The following IL7 variants were observed in gnomAD, a reference collection of about 807,000 sequenced individuals.
IL7 encodes interleukin-7.
IL7 carries 3 observed loss-of-function variants against 21.6 expected under a neutral mutation model. The ratio of observed to expected loss-of-function variants is 0.14; its 90% CI spans 0.06 to 0.36. IL7 has a LOEUF of 0.36. Ranked by LOEUF, IL7 falls within the 10% of genes least tolerant of loss-of-function variation. IL7 has a pLI of 1.00. For missense variants in IL7, 175 were observed against 200.2 expected (o/e 0.87, Z 0.76); for synonymous variants, 62 against 68.1 (o/e 0.91, Z 0.44).
intron 3 of IL7, 146 bp from the exon 4 acceptor site, chr8:78,738,781 T>G: frequency 1.5e-6 from 1 of 672,760 alleles, no homozygotes; most frequent in Non-Finnish European, 2.4e-6. Flanking sequence ...AATCATGTGA[T>G]TGACAAGTAA....
Position 78,719,795 on chromosome 8 carries a change from G to A in IL7, n.477-685C>T, listed in dbSNP as rs535581459. 11 of 151,754 alleles carry A rather than the reference G, an allele frequency of 7.2e-5. No homozygotes were observed. In the South Asian group the frequency reaches 2.3e-3, roughly 31 times the overall value. The allele number at this position is 151,754 out of a possible 1,614,324, so 9.4% of individuals were successfully genotyped here. A position where few individuals can be genotyped will look rare whatever the true frequency, so the allele number is the denominator to read the frequency against. On this transcript the variant is annotated intron_variant and non_coding_transcript_variant, in intron 5 of 6. Coordinates refer to the IL7 transcript ENST00000519833. ...AGTTCGTATTCACTGATGTCTTTTA[G>A]CCATACATAGAAAGATAGGAACCTA...
At chr8:78,703,057 T>A (rs1004673103) in intron 3 of IL7, among the ~76,000 whole-genome samples, 3 of 152,006 alleles carry the variant, frequency 2.0e-5, no homozygotes, top group African/African-American at 7.3e-5. Context: ...CCACCACACC[T>A]GGCTAATTTT....
At chr8:78,730,981 A>C (rs1194262761), downstream of IL7, among the ~76,000 whole-genome samples, 1 of 152,012 alleles carries the variant, frequency 6.6e-6, no homozygotes, top group African/African-American at 2.4e-5. Context: ...AATTTGCAAC[A>C]ACATTCTAAG....
intron 3 of IL7, among the ~76,000 whole-genome samples, chr8:78,693,378 T>C (rs1186576624): frequency 6.6e-6 from 1 of 152,120 alleles, no homozygotes; most frequent in Non-Finnish European, 1.5e-5. Flanking sequence ...TTTCTCCACA[T>C]CCTCTCCAGC....
chr8:78,721,719 G>C (rs1285676352), intron 3 of IL7, among the ~76,000 whole-genome samples: 1 of 151,942 alleles, frequency 6.6e-6, no homozygotes, highest in African/African-American at 2.4e-5. Flanking sequence ...CTTATGTACT[G>C]ATGGTGGAAA....
At chr8:78,786,750 A>T (rs1813521020) in intron 2 of IL7, among the ~76,000 whole-genome samples, 1 of 151,714 alleles carries the variant, frequency 6.6e-6, no homozygotes, top group African/African-American at 2.4e-5. Context: ...AATCCTTGAA[A>T]CCTCCAAAGG....
In IL7 at chr8:78,695,550, C is replaced by G. The variant is rs373397215; in HGVS notation, n.215-9603G>C. ...TTGTTTCCTAATCTGATTTTATTAACTCTGTTTTTATAGACATAACTCTCG... is the reference window on the plus strand; with the variant it reads ...TTGTTTCCTAATCTGATTTTATTAAGTCTGTTTTTATAGACATAACTCTCG... On this transcript the variant is annotated intron_variant and non_coding_transcript_variant, in intron 3 of 4. Transcript: ENST00000523959. Among the ~76,000 whole-genome samples the G allele has an allele frequency of 2.3e-4, 35 of 152,214 alleles. 1 individual carries two copies. The East Asian group carries it at 3.1e-3, about 13-fold the overall frequency.
rs1810690911 is a variant in IL7, at chr8:78,704,064, A to T, written n.214+17284T>A. 2.0e-5 allele frequency among the ~76,000 whole-genome samples: 3 copies of T among 152,136 alleles called. No homozygotes were observed. In the South Asian group the frequency reaches 6.2e-4, roughly 32 times the overall value. ...TGAAGCTTAGTTTGGCCTGATATGA[A>T]ATTTTGAGTTGGAATTTCTTTTCTT... On this transcript the variant is annotated intron_variant and non_coding_transcript_variant, in intron 3 of 4. Coordinates refer to the IL7 transcript ENST00000523959.
chr8:78,753,511 C>G (rs1340652327), intron 2 of IL7, among the ~76,000 whole-genome samples: 1 of 152,076 alleles, frequency 6.6e-6, no homozygotes, highest in Non-Finnish European at 1.5e-5. Context: ...AACATTTTCT[C>G]CCATTCTGTA....
chr8:78,676,126 A>T (rs57482309), intron 4 of IL7: 55 of 164,700 alleles, frequency 3.3e-4, no homozygotes, highest in African/African-American at 5.9e-4. Flanking sequence ...CAAACAAAAT[A>T]AAAAAAAAAA....
Position 78,697,419 on chromosome 8 carries a change from G to T in IL7, n.215-11472C>A, listed in dbSNP as rs138000597. 5 of 1,595,656 alleles carry T rather than the reference G, an allele frequency of 3.1e-6. No homozygotes were observed. The highest frequency in any genetic ancestry group is 1.8e-5 in the Admixed American group (1 of 55,114). On this transcript the variant is annotated intron_variant and non_coding_transcript_variant, in intron 3 of 4. Transcript: ENST00000523959. The stretch of plus-strand genomic sequence containing the variant: ...TCCATTATTTTAGTATAAGCCACCC[G>T]CACTTAAAAAGTCAAATTCTCCTGG...
intron 3 of IL7, among the ~76,000 whole-genome samples, chr8:78,739,193 G>T (rs1192347809): frequency 6.6e-6 from 1 of 152,130 alleles, no homozygotes; most frequent in Non-Finnish European, 1.5e-5. Context: ...AAAAGACTAT[G>T]AAATAGCACA....
intron 3 of IL7, among the ~76,000 whole-genome samples, chr8:78,725,961 A>C (rs1811332739): frequency 6.6e-6 from 1 of 152,006 alleles, no homozygotes; most frequent in Non-Finnish European, 1.5e-5. Context: ...AAAGCAGTCA[A>C]AAATCTGTTT....
chr8:78,757,937 C>T (rs1277795797), intron 2 of IL7, among the ~76,000 whole-genome samples: 1 of 152,008 alleles, frequency 6.6e-6, no homozygotes, highest in African/African-American at 2.4e-5. Flanking sequence ...CATGAGATCT[C>T]ATGGTTTTAT....
intron 1 of IL7, among the ~76,000 whole-genome samples, chr8:78,800,477 G>GT (rs1249773499): frequency 6.6e-6 from 1 of 152,062 alleles, no homozygotes; most frequent in African/African-American, 2.4e-5. Flanking sequence ...TTTAAAATTT[G>GT]TTTTTAGCAG....
chr8:78,785,585 T>C (rs1441655302), intron 2 of IL7, among the ~76,000 whole-genome samples: 3 of 152,368 alleles, frequency 2.0e-5, no homozygotes, highest in South Asian at 2.1e-4. Context: ...GTAAAATTCA[T>C]GTGTACTTTA....
At chr8:78,731,669 ATATACT>A (rs1415538758), downstream of IL7, among the ~76,000 whole-genome samples, 24 of 152,148 alleles carry the variant, frequency 1.6e-4, no homozygotes, top group African/African-American at 4.3e-4. Flanking sequence ...TGTGGAGTAG[ATATACT>A]TATACTCTCC....
intron 2 of IL7, among the ~76,000 whole-genome samples, chr8:78,772,757 C>A (rs1261239545): frequency 6.6e-6 from 1 of 152,140 alleles, no homozygotes; most frequent in Non-Finnish European, 1.5e-5. Context: ...ATATGAGCTA[C>A]ACATACATTT....
chr8:78,771,809 T>C (rs1197624343), intron 2 of IL7, among the ~76,000 whole-genome samples: 1 of 152,110 alleles, frequency 6.6e-6, no homozygotes, highest in Non-Finnish European at 1.5e-5. Context: ...CTCTAAAAAC[T>C]GCCCCCCTTT....
Sources: gnomAD v4.1 joint callset for allele counts (sites outside exome capture counted in the v4.1 genomes callset) on GRCh38, gnomAD v4.1.1 for gene constraint, MANE v1.5 for transcripts, NCBI Gene and HGNC (gene_info 2026-07-23, HGNC 2026-07-21) for gene names.